The following COL4A2 variants were observed in gnomAD, a reference collection of about 807,000 sequenced individuals.
The protein encoded by COL4A2 is collagen type IV alpha 2 chain, also known as collagen alpha-2(IV) chain.
Under a neutral mutation model 200.2 loss-of-function variants are expected in COL4A2, and 99 were observed. The ratio of observed to expected loss-of-function variants is 0.49; its 90% CI spans 0.42 to 0.58. COL4A2 has a LOEUF of 0.58. Ranked by LOEUF, COL4A2 falls within the 20% of genes least tolerant of loss-of-function variation. The pLI is 0.00. For synonymous variants in COL4A2, 897 were observed against 900.6 expected (o/e 1.00, Z 0.07); for missense variants, 1,950 against 2,314.1 (o/e 0.84, Z 3.23).
At chr13:110,413,313 C>T (rs74499375) in intron 4 of COL4A2, among the ~76,000 whole-genome samples, 1,833 of 152,258 alleles carry the variant, frequency 0.012, 27 homozygotes, top group African/African-American at 0.041. Flanking sequence ...CAAGAGATGC[C>T]GGGGACAGAG....
At chr13:110,450,635 C>T (rs148047605) in intron 20 of COL4A2, among the ~76,000 whole-genome samples, 181 bp downstream of exon 20, 115 of 152,284 alleles carry the variant, frequency 7.6e-4, no homozygotes, top group African/African-American at 2.7e-3. Context: ...GGGGTCCACG[C>T]AGGAGCTGGG....
chr13:110,438,491 G>T (rs1027542345), intron 14 of COL4A2, 127 bp from the exon 15 acceptor site: 2 of 1,277,732 alleles, frequency 1.6e-6, no homozygotes, highest in Non-Finnish European at 2.3e-6. Flanking sequence ...GTTGAGCATC[G>T]CCAGGCGGTC....
chr13:110,321,578 T>C (rs1480741741), intron 3 of COL4A2, among the ~76,000 whole-genome samples: 1 of 152,224 alleles, frequency 6.6e-6, no homozygotes, highest in Non-Finnish European at 1.5e-5. Flanking sequence ...AATCAGGCAG[T>C]GTTTGTCCTT....
chr13:110,494,077 G>A (rs1219288987), intron 39 of COL4A2, among the ~76,000 whole-genome samples: 1 of 151,976 alleles, frequency 6.6e-6, no homozygotes, highest in African/African-American at 2.4e-5. Context: ...CTTACCACAG[G>A]AAAAAGAAAC....
At chr13:110,437,570 C>T (rs1880940085) in intron 13 of COL4A2, among the ~76,000 whole-genome samples, 1 of 152,174 alleles carries the variant, frequency 6.6e-6, no homozygotes, top group African/African-American at 2.4e-5. Context: ...TTTCAACAGC[C>T]ACTTTTGCTT....
chr13:110,392,442 C>T (rs1011602932), intron 4 of COL4A2, among the ~76,000 whole-genome samples: 1 of 152,154 alleles, frequency 6.6e-6, no homozygotes, highest in African/African-American at 2.4e-5. Context: ...GAACCAGGAG[C>T]TGGGACCCTC....
chr13:110,383,633 T>C (rs1233178240), intron 4 of COL4A2, among the ~76,000 whole-genome samples: 43 of 129,790 alleles, frequency 3.3e-4, no homozygotes, highest in East Asian at 1.9e-3. Context: ...TTTTTTTTTT[T>C]CTGAGACAGT....
chr13:110,471,899 T>C (rs1178171555), intron 28 of COL4A2, among the ~76,000 whole-genome samples: 1 of 152,140 alleles, frequency 6.6e-6, no homozygotes, highest in Admixed American at 6.5e-5. Context: ...CTCTCCTGCA[T>C]GCACAGCGGG....
chr13:110,496,579 C>G (rs1207320991), intron 40 of COL4A2, among the ~76,000 whole-genome samples: 1 of 151,052 alleles, frequency 6.6e-6, no homozygotes, highest in African/African-American at 2.4e-5. Context: ...TCCACCAGCA[C>G]AGCCTCAGTC....
chr13:110,311,011 C>T lies in COL4A2; in HGVS notation c.99+2888C>T, dbSNP rs934409124. Among the ~76,000 whole-genome samples, 11 of 152,268 alleles carry T rather than the reference C, an allele frequency of 7.2e-5. No individual in the cohort carries two copies. The South Asian group carries it at 1.2e-3, about 17-fold the overall frequency. ...AGCTTCCCAGGGCCTGAAAGGTGGC[C>T]GGGAGGGCACTCCTGAGTTTCAGTC... On this transcript the variant is annotated intron_variant, in intron 3 of 47. Coordinates refer to ENST00000360467, the MANE Select transcript of COL4A2 (RefSeq NM_001846.4).
intron 17 of COL4A2, among the ~76,000 whole-genome samples, chr13:110,446,098 G>C (rs1881310760): frequency 6.6e-6 from 1 of 152,216 alleles, no homozygotes; most frequent in Non-Finnish European, 1.5e-5. Flanking sequence ...CTGCCACTCA[G>C]GGCCACGTAG....
intron 4 of COL4A2, among the ~76,000 whole-genome samples, chr13:110,414,112 C>T (rs945940050): frequency 6.6e-6 from 1 of 152,180 alleles, no homozygotes; most frequent in African/African-American, 2.4e-5. Flanking sequence ...GAGTTTGAGG[C>T]TGCAGTGAGC....
Position 110,453,300 on chromosome 13 carries a change from G to A in COL4A2, c.1339+2846G>A, listed in dbSNP as rs192042417. ...GCCGATCACCTGAGGTCGGGAGTTC[G>A]AGACCAGCCTGACCAACATGGTGAA... On this transcript the variant is annotated intron_variant, in intron 20 of 47. Coordinates refer to ENST00000360467, the MANE Select transcript of COL4A2 (RefSeq NM_001846.4). Among the ~76,000 whole-genome samples, 50 of 152,076 alleles carry A rather than the reference G, an allele frequency of 3.3e-4. No individual in the cohort carries two copies. In the East Asian group the frequency reaches 9.2e-3, roughly 28 times the overall value.
intron 4 of COL4A2, among the ~76,000 whole-genome samples, chr13:110,418,626 G>A (rs1880134800): frequency 1.3e-5 from 2 of 152,158 alleles, no homozygotes; most frequent in Non-Finnish European, 2.9e-5. Context: ...ATTTTGGAGG[G>A]CAGAAATTCC....
Position 110,307,374 on chromosome 13 carries a change from C to T in COL4A2, c.-199C>T. ...CCAACCCCTCGCGCCCGCGCGTTCGCGGATCCAGGCCGAGGACCGAAAGGG... is the reference window on the plus strand; with the variant it reads ...CCAACCCCTCGCGCCCGCGCGTTCGTGGATCCAGGCCGAGGACCGAAAGGG... On this transcript the variant is annotated 5_prime_UTR_variant, in exon 1 of 48. Coordinates refer to ENST00000360467, the MANE Select transcript of COL4A2 (RefSeq NM_001846.4). The surrounding 1 kb of genome is among the most constrained non-coding windows in gnomAD (Gnocchi z 5.0). 2 of 236,908 alleles carry T rather than the reference C, an allele frequency of 8.4e-6. No homozygotes were observed. The highest frequency in any genetic ancestry group is 8.5e-5 in the East Asian group (1 of 11,698). The allele number at this position is 236,908 out of a possible 1,614,324, so 14.7% of individuals were successfully genotyped here.
chr13:110,307,352 A>C lies in COL4A2; in HGVS notation c.-221A>C. On this transcript the variant is annotated 5_prime_UTR_variant, in exon 1 of 48. Coordinates refer to ENST00000360467, the MANE Select transcript of COL4A2 (RefSeq NM_001846.4). This position sits in a 1 kb window ranked among gnomAD's most constrained non-coding sequence, Gnocchi z 5.0. ...GCACTCAAGAGGCTCCCGCGTCCCAACCCCTCGCGCCCGCGCGTTCGCGGA... is the reference window on the plus strand; with the variant it reads ...GCACTCAAGAGGCTCCCGCGTCCCACCCCCTCGCGCCCGCGCGTTCGCGGA... The C allele has an allele frequency of 7.4e-6, 2 of 268,934 alleles. No individual in the cohort carries two copies. Among genetic ancestry groups the C allele is most frequent in the Non-Finnish European group, 1.4e-5 (2 of 144,036 alleles). The allele number at this position is 268,934 out of a possible 1,614,324, so 16.7% of individuals were successfully genotyped here.
chr13:110,506,481 A>G lies in COL4A2; in HGVS notation c.4469A>G (p.Tyr1490Cys). 2 of 1,612,464 alleles carry G rather than the reference A, an allele frequency of 1.2e-6. No individual in the cohort carries two copies. The highest frequency in any genetic ancestry group is 1.7e-6 in the Non-Finnish European group (2 of 1,179,736). ...GMPGRSVSIGYLLVKHSQTDQ... is the reference protein window; with the variant it reads ...GMPGRSVSIGCLLVKHSQTDQ... ...CCAGGCCGCAGCGTCAGCATCGGCT[A>G]CCTCCTGGTGAAGCACAGCCAGACG... Residue 1490 changes from tyrosine (Y) to cysteine (C), a missense_variant, in exon 46 of 48, where the codon TAC (tyrosine) becomes TGC (cysteine). Transcript: ENST00000360467.
At chr13:110,470,874 C>A (rs189062941) in intron 28 of COL4A2, among the ~76,000 whole-genome samples, 7 of 152,278 alleles carry the variant, frequency 4.6e-5, no homozygotes, top group African/African-American at 1.7e-4. Context: ...TGTTCCAAAC[C>A]CTGACCCTGT....
intron 3 of COL4A2, among the ~76,000 whole-genome samples, chr13:110,349,350 A>G (rs1876851567): frequency 6.6e-6 from 1 of 152,194 alleles, no homozygotes; most frequent in African/African-American, 2.4e-5. Flanking sequence ...GTGGCAAAGG[A>G]GGGACTCTCC....
Sources: gnomAD v4.1 joint callset for allele counts (sites outside exome capture counted in the v4.1 genomes callset) on GRCh38, gnomAD v4.1.1 for gene constraint, Gnocchi (gnomAD v3.1) non-coding constraint, MANE v1.5 for transcripts, NCBI Gene and HGNC (gene_info 2026-07-23, HGNC 2026-07-21) for gene names.